RBFOX1: variants seen among roughly 807,000 people sequenced by gnomAD.
The protein encoded by RBFOX1 is RNA binding protein fox-1 homolog 1.
In RBFOX1, 8 loss-of-function variants were observed where a neutral mutation model predicts 57.7. That is an observed-to-expected ratio of 0.14 (90% CI 0.08 to 0.25). The LOEUF is 0.25. RBFOX1 is among the 10% of genes least tolerant of loss of function. The probability of loss-of-function intolerance (pLI) is 1.00; values close to 1 mark genes in which losing one functional copy is unlikely to be tolerated. For synonymous variants in RBFOX1, 326 were observed against 222.4 expected (o/e 1.47, Z -4.15); for missense variants, 611 against 548.5 (o/e 1.11, Z -1.14).
intron 4 of RBFOX1, among the ~76,000 whole-genome samples, chr16:7,336,910 A>C (rs2096798528): frequency 6.6e-6 from 1 of 152,132 alleles, no homozygotes; most frequent in Admixed American, 6.5e-5. Flanking sequence ...AGCTAATGTA[A>C]ATATTCATGT....
chr16:6,386,709 A>T (rs1186938726), intron 2 of RBFOX1, among the ~76,000 whole-genome samples: 1 of 152,232 alleles, frequency 6.6e-6, no homozygotes, highest in Non-Finnish European at 1.5e-5. Flanking sequence ...AACTCAAGTG[A>T]TTATTCACTG....
At chr16:6,453,052 G>A (rs1206769369) in intron 2 of RBFOX1, among the ~76,000 whole-genome samples, 1 of 152,006 alleles carries the variant, frequency 6.6e-6, no homozygotes, top group Non-Finnish European at 1.5e-5. Context: ...TATTCCACAG[G>A]TATGTATTGT....
At chr16:5,488,705 A>T (rs1446177694) in intron 2 of RBFOX1, among the ~76,000 whole-genome samples, 8 of 145,606 alleles carry the variant, frequency 5.5e-5, no homozygotes, top group African/African-American at 2.1e-4. Context: ...ATGATGGAAG[A>T]TGATGGTGCT....
chr16:6,240,203 A>G (rs1230067045), intron 1 of RBFOX1, among the ~76,000 whole-genome samples: 1 of 152,192 alleles, frequency 6.6e-6, no homozygotes, highest in African/African-American at 2.4e-5. Flanking sequence ...TGCTTCCTAT[A>G]CAGCCTGCAG....
chr16:6,698,259 C>G (rs2058524), intron 3 of RBFOX1, among the ~76,000 whole-genome samples: 3 of 152,182 alleles, frequency 2.0e-5, no homozygotes, highest in Admixed American at 1.3e-4. Flanking sequence ...ATTAAGATGT[C>G]CACAGAAGAT....
At chr16:7,136,287 G>A (rs2071932683) in intron 4 of RBFOX1, among the ~76,000 whole-genome samples, 1 of 152,012 alleles carries the variant, frequency 6.6e-6, no homozygotes, top group Admixed American at 6.6e-5. Context: ...GAAATCAACA[G>A]TTCAGTTTGT....
chr16:6,067,378 ACCAAC>A (rs201758939), intron 1 of RBFOX1, among the ~76,000 whole-genome samples: 17,694 of 74,732 alleles, frequency 0.24, 1,538 homozygotes, highest in African/African-American at 0.34. Flanking sequence ...GCAAAAACAA[ACCAAC>A]CAAACAAACA....
intron 1 of RBFOX1, among the ~76,000 whole-genome samples, chr16:6,040,592 C>CTTAT (rs113242373): frequency 0.069 from 10,350 of 150,558 alleles, 407 homozygotes; most frequent in Non-Finnish European, 0.089. Flanking sequence ...CTCTTTCTTT[C>CTTAT]TTATTTATTT....
chr16:7,411,902 C>CAAAAAAAAAAAAAAAAAAAAAAAAAAAAA, intron 4 of RBFOX1, among the ~76,000 whole-genome samples: 1 of 95,410 alleles, frequency 1.0e-5, no homozygotes, highest in Non-Finnish European at 2.0e-5. Flanking sequence ...AAACTCCTTT[C>CAAAAAAAAAAAAAAAAAAAAAAAAAAAAA]AAAAAAAAAA....
At chr16:7,158,211 C>A (rs976063398) in intron 4 of RBFOX1, among the ~76,000 whole-genome samples, 3 of 151,934 alleles carry the variant, frequency 2.0e-5, no homozygotes, top group Non-Finnish European at 4.4e-5. Context: ...CCGAGCGTGC[C>A]GGTGGGCTCC....
chr16:6,619,464 G>T (rs1402798029), intron 2 of RBFOX1, among the ~76,000 whole-genome samples: 1 of 152,096 alleles, frequency 6.6e-6, no homozygotes, highest in Non-Finnish European at 1.5e-5. Flanking sequence ...AGTTCAATCA[G>T]TTCTCCCATT....
At position 6,446,416 on chromosome 16, in the gene RBFOX1, G is replaced by A. The variant is rs59148800; in HGVS notation, c.-64+129359G>A. On this transcript the variant is annotated intron_variant, in intron 2 of 15. Transcript: ENST00000550418. ...TGGTTTAAATCACTTCATTGTTTTC[G>A]GAAAAATATAGATTTTAAACTTAAA... Among the ~76,000 whole-genome samples the A allele has an allele frequency of 6.3e-3, 963 of 152,102 alleles. 5 individuals are homozygous for A. Among genetic ancestry groups the A allele is most frequent in the Middle Eastern group, 0.024 (7 of 294 alleles).
intron 2 of RBFOX1, 84 bp from the exon 3 acceptor site, chr16:6,654,519 T>G: frequency 1.8e-6 from 2 of 1,114,944 alleles, no homozygotes; most frequent in Non-Finnish European, 1.2e-6. Context: ...AAAGGGCATT[T>G]CAACAACACC....
intron 3 of RBFOX1, among the ~76,000 whole-genome samples, chr16:6,718,206 T>C (rs1245206915): frequency 6.6e-6 from 1 of 152,194 alleles, no homozygotes; most frequent in Non-Finnish European, 1.5e-5. Flanking sequence ...CAACATGAAA[T>C]AATAACAGCA....
chr16:6,131,803 G>C (rs924571060), intron 1 of RBFOX1, among the ~76,000 whole-genome samples: 3 of 152,184 alleles, frequency 2.0e-5, no homozygotes, highest in Non-Finnish European at 4.4e-5. Flanking sequence ...TAAATGTGGA[G>C]AGGCTCACAT....
chr16:6,188,499 C>G (rs1431891822), intron 1 of RBFOX1, among the ~76,000 whole-genome samples: 1 of 149,582 alleles, frequency 6.7e-6, no homozygotes, highest in Non-Finnish European at 1.5e-5. Flanking sequence ...ATGTTATTGT[C>G]TATTTCAGAC....
chr16:5,855,349 G>A (rs1406780532), intron 3 of RBFOX1, among the ~76,000 whole-genome samples: 4 of 152,128 alleles, frequency 2.6e-5, no homozygotes, highest in African/African-American at 4.8e-5. Context: ...GTAACCTTAC[G>A]GTTCAAGTCT....
rs367855173 is a variant in RBFOX1 at position 6,143,442 on chromosome 16, G to A, written c.-127+123450G>A. On this transcript the variant is annotated intron_variant, in intron 1 of 15. Transcript: ENST00000550418. ...ATGCATTACTGTGGTTTCCTTTCAGGAGGTGATCCCAATGCTCACAAAATG... is the reference window on the plus strand; with the variant it reads ...ATGCATTACTGTGGTTTCCTTTCAGAAGGTGATCCCAATGCTCACAAAATG... Among the ~76,000 whole-genome samples, 15 of 152,240 alleles carry A rather than the reference G, an allele frequency of 9.9e-5. No individual in the cohort carries two copies. In the East Asian group the frequency reaches 2.9e-3, roughly 29 times the overall value.
intron 5 of RBFOX1, among the ~76,000 whole-genome samples, chr16:7,543,690 T>A: frequency 7.9e-6 from 1 of 126,726 alleles, no homozygotes; most frequent in Non-Finnish European, 1.7e-5. Flanking sequence ...TGTGTGTGTG[T>A]GTGTGTGTGT....
Sources: gnomAD v4.1 joint callset for allele counts (sites outside exome capture counted in the v4.1 genomes callset) on GRCh38, gnomAD v4.1.1 for gene constraint, MANE v1.5 for transcripts, NCBI Gene and HGNC (gene_info 2026-07-23, HGNC 2026-07-21) for gene names.